Variants in GABRG2 observed in about 807,000 individuals in gnomAD.
GABRG2 encodes gamma-aminobutyric acid type A receptor subunit gamma2, also known as gamma-aminobutyric acid receptor subunit gamma-2.
A neutral mutation model predicts 56.4 loss-of-function variants in GABRG2; 16 were observed. The ratio of observed to expected loss-of-function variants is 0.28; its 90% CI spans 0.19 to 0.43. GABRG2 has a LOEUF of 0.43. GABRG2 is among the 20% of genes least tolerant of loss of function. The pLI, the probability that GABRG2 is intolerant of heterozygous loss-of-function variation, is 1.00. For synonymous variants in GABRG2, 208 were observed against 205.5 expected, an observed-to-expected ratio of 1.01 and a Z score of -0.10; for missense variants, 327 against 582.7, an observed-to-expected ratio of 0.56 and a Z score of 4.52.
chr5:162,104,479 C>A (rs1761658835), intron 6 of GABRG2, among the ~76,000 whole-genome samples: 2 of 152,014 alleles, frequency 1.3e-5, no homozygotes, highest in Non-Finnish European at 2.9e-5. Context: ...GATAATAGAA[C>A]AAGCCTTGAG....
intron 1 of GABRG2, among the ~76,000 whole-genome samples, chr5:162,080,630 T>C (rs1426477964): frequency 6.6e-6 from 1 of 152,154 alleles, no homozygotes; most frequent in Non-Finnish European, 1.5e-5. Flanking sequence ...GGGTAAGACT[T>C]CATATACTAA....
At chr5:162,152,294 G>T in intron 9 of GABRG2, 2 of 243,410 alleles carry the variant, frequency 8.2e-6, no homozygotes, top group South Asian at 9.3e-5. Flanking sequence ...ATAATGTGTT[G>T]CAATGAGATT....
chr5:162,071,765 C>G (rs1758690732), intron 1 of GABRG2, among the ~76,000 whole-genome samples: 1 of 151,844 alleles, frequency 6.6e-6, no homozygotes, highest in Admixed American at 6.6e-5. Flanking sequence ...TGGTATCCAC[C>G]AGAAAAATCT....
chr5:162,102,320 CT>C (rs1561644570), intron 5 of GABRG2: 1 of 321,324 alleles, frequency 3.1e-6, no homozygotes, highest in South Asian at 2.6e-5. Flanking sequence ...AGAGATAAGC[CT>C]TCCTTTCTTT....
intron 6 of GABRG2, among the ~76,000 whole-genome samples, chr5:162,109,389 AATATATATATATATAT>A (rs535370579): frequency 4.5e-4 from 52 of 116,236 alleles, no homozygotes; most frequent in Admixed American, 1.9e-3. Context: ...CTTAAAGTAT[AATATATATATATATAT>A]ATATATATAT....
rs1448142449 is a variant in GABRG2 at position 162,149,380 on chromosome 5, C to G, written c.1128+67C>G. The G allele has an allele frequency of 8.2e-6, 12 of 1,467,842 alleles. No homozygotes were observed. In the Admixed American group the frequency reaches 8.9e-5, roughly 11 times the overall value. The allele number at this position is 1,467,842 out of a possible 1,614,324, so 90.9% of individuals were successfully genotyped here. A position where few individuals can be genotyped will look rare whatever the true frequency, so the allele number is the denominator to read the frequency against. ...TTTCGGTTTAGTTTGTTTTCATTAG[C>G]CTATCTGCAGGCTAAGGCTCAGCAG... On this transcript the variant is annotated intron_variant, in intron 8 of 9. Coordinates refer to ENST00000639213, the MANE Select transcript of GABRG2 (RefSeq NM_198904.4).
At position 162,097,788 on chromosome 5, in the gene GABRG2, G is replaced by A; in HGVS notation, c.478G>A (p.Ala160Thr). The A allele has an allele frequency of 6.2e-7, 1 of 1,613,830 alleles. No individual in the cohort carries two copies. Among genetic ancestry groups the A allele is most frequent in the Non-Finnish European group, 8.5e-7 (1 of 1,179,890 alleles). The change falls in exon 4 of 10, where the codon GCA (alanine) becomes ACA (threonine). Residue 160 changes from alanine (A) to threonine (T), a missense_variant. Transcript: ENST00000639213. The part of the protein sequence containing the change: ...TFFRNSKKAD[A>T]HWITTPNRML... Reference sequence around the variant, plus strand: ...CTTCAGAAATTCCAAAAAAGCTGATGCACACTGGATCACCACCCCCAACAG... The same window carrying A: ...CTTCAGAAATTCCAAAAAAGCTGATACACACTGGATCACCACCCCCAACAG...
At chr5:162,124,438 TACTC>T (rs1390954473) in intron 6 of GABRG2, among the ~76,000 whole-genome samples, 1 of 151,886 alleles carries the variant, frequency 6.6e-6, no homozygotes, top group Non-Finnish European at 1.5e-5. Flanking sequence ...GAATCAGAAT[TACTC>T]ACCCCTAGAA....
intron 1 of GABRG2, among the ~76,000 whole-genome samples, chr5:162,083,836 C>A (rs966659552): frequency 1.3e-5 from 2 of 151,762 alleles, no homozygotes; most frequent in African/African-American, 4.8e-5. Context: ...TCACTGTTTC[C>A]CAAGTTCAAC....
chr5:162,087,069 C>T (rs1329666570), intron 1 of GABRG2, among the ~76,000 whole-genome samples: 1 of 151,928 alleles, frequency 6.6e-6, no homozygotes, highest in Non-Finnish European at 1.5e-5. Context: ...CTTCTTTTCC[C>T]TTTTATTTAA....
intron 6 of GABRG2, among the ~76,000 whole-genome samples, chr5:162,140,411 G>T (rs1484011065): frequency 6.6e-6 from 1 of 152,184 alleles, no homozygotes; most frequent in Non-Finnish European, 1.5e-5. Context: ...AGCCAATAAA[G>T]GCCTTTCTAT....
intron 6 of GABRG2, among the ~76,000 whole-genome samples, chr5:162,117,780 T>C (rs955195831): frequency 6.6e-6 from 1 of 152,128 alleles, no homozygotes; most frequent in Non-Finnish European, 1.5e-5. Flanking sequence ...ATTTCATTGG[T>C]TGACATTGAA....
chr5:162,121,043 T>C (rs1053164412), intron 6 of GABRG2, among the ~76,000 whole-genome samples: 6 of 152,172 alleles, frequency 3.9e-5, no homozygotes, highest in African/African-American at 1.4e-4. Flanking sequence ...TTCTTACTTA[T>C]TCATGCGAAT....
At chr5:162,088,982 G>A (rs1561640052) in intron 1 of GABRG2, among the ~76,000 whole-genome samples, 1 of 152,088 alleles carries the variant, frequency 6.6e-6, no homozygotes, top group Non-Finnish European at 1.5e-5. Flanking sequence ...TTATAGTTTA[G>A]TAATGAAGAC....
chr5:162,135,719 G>A (rs896324703), intron 6 of GABRG2, among the ~76,000 whole-genome samples: 9 of 152,278 alleles, frequency 5.9e-5, no homozygotes, highest in African/African-American at 1.9e-4. Context: ...GGAGTTAAGT[G>A]AGTAAAGAAA....
chr5:162,073,101 G>GAT (rs930267479), intron 1 of GABRG2, among the ~76,000 whole-genome samples: 4 of 151,732 alleles, frequency 2.6e-5, no homozygotes, highest in Non-Finnish European at 4.4e-5. Context: ...ATCTACAACA[G>GAT]ATACTTTACA....
chr5:162,088,796 CA>C (rs1390044971), intron 1 of GABRG2, among the ~76,000 whole-genome samples: 1 of 152,026 alleles, frequency 6.6e-6, no homozygotes, highest in Non-Finnish European at 1.5e-5. Context: ...ATCTGTAAAA[CA>C]GGAATAATTA....
chr5:162,083,484 A>C (rs1463216421), intron 1 of GABRG2: 1 of 169,854 alleles, frequency 5.9e-6, no homozygotes. Flanking sequence ...GGTTCCTCAA[A>C]ATATTTTGTA....
At chr5:162,111,032 C>G (rs1403102923) in intron 6 of GABRG2, among the ~76,000 whole-genome samples, 1 of 151,990 alleles carries the variant, frequency 6.6e-6, no homozygotes, top group Non-Finnish European at 1.5e-5. Context: ...CTCTAAAGTC[C>G]TCGTCCTCAG....
Sources: allele counts gnomAD v4.1 joint callset (sites outside exome capture counted in the v4.1 genomes callset), GRCh38; gene constraint gnomAD v4.1.1; transcripts MANE v1.5; gene names NCBI Gene and HGNC (gene_info 2026-07-23, HGNC 2026-07-21).